The following BABAM2 variants were observed in gnomAD, a reference collection of about 807,000 sequenced individuals.
BABAM2 encodes the protein BRISC and BRCA1-A complex member 2.
In BABAM2, 31 loss-of-function variants were observed where a neutral mutation model predicts 54.7. The observed-to-expected ratio is 0.57, with a 90% CI of 0.43 to 0.77. BABAM2 has a LOEUF of 0.77. BABAM2 is among the 30% of genes least tolerant of loss of function. The pLI, the probability that BABAM2 is intolerant of heterozygous loss-of-function variation, is 0.00. For missense variants in BABAM2, 364 were observed against 455.8 expected (o/e 0.80, Z 1.83); for synonymous variants, 167 against 162.9 (o/e 1.03, Z -0.19).
At chr2:28,005,224 A>G (rs927941281) in intron 4 of BABAM2, among the ~76,000 whole-genome samples, 6 of 152,202 alleles carry the variant, frequency 3.9e-5, no homozygotes, top group African/African-American at 1.4e-4. Flanking sequence ...TGTCTAGTTC[A>G]TAGTGAATAC....
At chr2:28,104,748 A>G (rs950452199) in intron 6 of BABAM2, among the ~76,000 whole-genome samples, 26 of 152,214 alleles carry the variant, frequency 1.7e-4, no homozygotes, top group Admixed American at 1.6e-3. Flanking sequence ...ACGTATGTTT[A>G]TTGTGGCACT....
chr2:27,992,460 G>C (rs1209996010), intron 4 of BABAM2, among the ~76,000 whole-genome samples: 2 of 152,118 alleles, frequency 1.3e-5, no homozygotes, highest in Non-Finnish European at 2.9e-5. Flanking sequence ...AAATTTTAGG[G>C]AGGTAAGACG....
At chr2:28,289,344 TTAA>T (rs1272613019) in intron 10 of BABAM2, among the ~76,000 whole-genome samples, 2 of 152,260 alleles carry the variant, frequency 1.3e-5, no homozygotes, top group African/African-American at 2.4e-5. Context: ...TCTGTGAATA[TTAA>T]TGTCTTACTT....
At chr2:28,023,322 A>G (rs1480742179) in intron 4 of BABAM2, among the ~76,000 whole-genome samples, 3 of 152,206 alleles carry the variant, frequency 2.0e-5, no homozygotes, top group Non-Finnish European at 4.4e-5. Context: ...CTAGTAGGGA[A>G]TGAGGACTGG....
intron 4 of BABAM2, among the ~76,000 whole-genome samples, chr2:28,015,219 A>G (rs1674711695): frequency 6.6e-6 from 1 of 152,206 alleles, no homozygotes; most frequent in Non-Finnish European, 1.5e-5. Flanking sequence ...TCAAAGGCAC[A>G]CTATTCTGCT....
intron 10 of BABAM2, among the ~76,000 whole-genome samples, chr2:28,276,942 G>A (rs1378091540): frequency 6.6e-6 from 1 of 152,112 alleles, no homozygotes; most frequent in Non-Finnish European, 1.5e-5. Context: ...ACGGCAGAGT[G>A]AGCCCATGTT....
intron 2 of BABAM2, among the ~76,000 whole-genome samples, chr2:27,909,954 C>T (rs985699391): frequency 4.6e-5 from 7 of 152,108 alleles, no homozygotes; most frequent in African/African-American, 1.4e-4. Context: ...TGCTTTGAAA[C>T]GTTTTGTTGC....
In BABAM2 at chr2:28,144,067, T is replaced by C. The variant is rs188151369; in HGVS notation, c.680+14687T>C. 9.8e-5 allele frequency among the ~76,000 whole-genome samples: 15 copies of C among 152,360 alleles called. No homozygotes were observed. In the East Asian group the frequency reaches 2.9e-3, roughly 29 times the overall value. ...GCCGCTTTGTAGTCGTGTGAACTAC[T>C]GGACGTTACATAATTTCTGTATAAC... On this transcript the variant is annotated intron_variant, in intron 7 of 11. Transcript: ENST00000379624.
At chr2:27,992,132 G>A (rs1314590509) in intron 4 of BABAM2, among the ~76,000 whole-genome samples, 1 of 152,032 alleles carries the variant, frequency 6.6e-6, no homozygotes, top group African/African-American at 2.4e-5. Flanking sequence ...TTTGATGGCT[G>A]GTGATACTGA....
In BABAM2 at chr2:28,304,671, G is replaced by A. The variant is rs1022277411; in HGVS notation, c.1088+6180G>A. ...GGCTCACTGCAACCTCACCTCCCAG[G>A]TTCTAGCAATTCTCCTGCTTCAGCC... is the stretch of plus-strand genomic sequence containing the variant. On this transcript the variant is annotated intron_variant, in intron 11 of 11. Transcript: ENST00000379624. This position sits in a 1 kb window ranked among gnomAD's most constrained non-coding sequence, Gnocchi z 4.0. Among the ~76,000 whole-genome samples the A allele has an allele frequency of 2.6e-5, 4 of 151,966 alleles. No homozygotes were observed. Among genetic ancestry groups the A allele is most frequent in the Admixed American group, 2.0e-4 (3 of 15,266 alleles).
chr2:28,114,983 A>G (rs1016680929), intron 6 of BABAM2, among the ~76,000 whole-genome samples: 4 of 152,220 alleles, frequency 2.6e-5, no homozygotes, highest in African/African-American at 9.6e-5. Context: ...ATTCATATAC[A>G]CATTCATACA....
chr2:28,063,519 A>G (rs1385472215), intron 6 of BABAM2, among the ~76,000 whole-genome samples: 1 of 152,190 alleles, frequency 6.6e-6, no homozygotes, highest in East Asian at 1.9e-4. Flanking sequence ...CTCAGTTCAG[A>G]CTAGTCACAT....
At chr2:28,255,654 T>TTTTG (rs1174006366) in intron 10 of BABAM2, among the ~76,000 whole-genome samples, 1 of 152,092 alleles carries the variant, frequency 6.6e-6, no homozygotes, top group African/African-American at 2.4e-5. Context: ...ACTTAGAAGT[T>TTTTG]TTTGTTTGTT....
intron 7 of BABAM2, among the ~76,000 whole-genome samples, chr2:28,194,607 C>A (rs1677309957): frequency 1.1e-5 from 1 of 94,126 alleles, no homozygotes; most frequent in Non-Finnish European, 1.9e-5. Flanking sequence ...GAGAAGGAGT[C>A]TTGCTTCACT....
chr2:28,171,959 T>A (rs181624363), intron 7 of BABAM2, among the ~76,000 whole-genome samples: 5 of 152,348 alleles, frequency 3.3e-5, no homozygotes, highest in Admixed American at 1.3e-4. Flanking sequence ...TTTCTTAATA[T>A]GTTATATGCT....
intron 4 of BABAM2, among the ~76,000 whole-genome samples, chr2:27,993,977 G>A (rs555051463): frequency 1.1e-4 from 17 of 152,286 alleles, no homozygotes; most frequent in Admixed American, 1.1e-3. Context: ...CTTGAAAAAC[G>A]CTATCCCGAT....
chr2:28,278,301 G>A (rs1161073810), intron 10 of BABAM2, among the ~76,000 whole-genome samples: 1 of 152,098 alleles, frequency 6.6e-6, no homozygotes, highest in Non-Finnish European at 1.5e-5. Flanking sequence ...GAAGAAGCTG[G>A]GGTTTGATAA....
At chr2:27,970,963 A>G (rs1671168512) in intron 3 of BABAM2, among the ~76,000 whole-genome samples, 1 of 152,076 alleles carries the variant, frequency 6.6e-6, no homozygotes, top group South Asian at 2.1e-4. Context: ...CATATTTGTC[A>G]AGCTTTTAAA....
intron 6 of BABAM2, among the ~76,000 whole-genome samples, chr2:28,114,596 G>A (rs1378684649): frequency 6.6e-6 from 1 of 152,290 alleles, no homozygotes; most frequent in Admixed American, 6.5e-5. Flanking sequence ...TATTATGCTT[G>A]TCACAATGCC....
Sources: gnomAD v4.1 joint callset for allele counts (sites outside exome capture counted in the v4.1 genomes callset) on GRCh38, gnomAD v4.1.1 for gene constraint, Gnocchi (gnomAD v3.1) non-coding constraint, MANE v1.5 for transcripts, NCBI Gene and HGNC (gene_info 2026-07-23, HGNC 2026-07-21) for gene names.